The following SESTD1 variants were observed in gnomAD, a reference collection of about 807,000 sequenced individuals.
The protein encoded by SESTD1 is SEC14 domain and spectrin repeat-containing protein 1.
A neutral mutation model predicts 101.7 loss-of-function variants in SESTD1; 43 were observed. The ratio of observed to expected loss-of-function variants is 0.42; its 90% CI spans 0.33 to 0.55. SESTD1 has a LOEUF of 0.55. SESTD1 is among the 20% of genes least tolerant of loss of function. SESTD1 has a pLI of 0.07. For missense variants in SESTD1, 647 were observed against 815.1 expected (o/e 0.79, Z 2.51); for synonymous variants, 283 against 286.8 (o/e 0.99, Z 0.13).
intron 1 of SESTD1, among the ~76,000 whole-genome samples, chr2:179,263,559 CGT>C (rs1559168194): frequency 6.6e-6 from 1 of 152,058 alleles, no homozygotes; most frequent in Non-Finnish European, 1.5e-5. Flanking sequence ...ACAAGCAAAA[CGT>C]GAAGTAAGAG....
At chr2:179,221,510 G>A (rs1172347570) in intron 1 of SESTD1, among the ~76,000 whole-genome samples, 1 of 151,960 alleles carries the variant, frequency 6.6e-6, no homozygotes, top group African/African-American at 2.4e-5. Context: ...CTACTCGGGA[G>A]GCTGAGGCAG....
chr2:179,225,479 CAT>C (rs1461062307), intron 1 of SESTD1, among the ~76,000 whole-genome samples: 2 of 151,960 alleles, frequency 1.3e-5, no homozygotes, highest in African/African-American at 2.4e-5. Flanking sequence ...TTTTAAATGA[CAT>C]ATACTTTAAT....
chr2:179,141,893 C>T (rs920313844), intron 9 of SESTD1, among the ~76,000 whole-genome samples: 1 of 152,166 alleles, frequency 6.6e-6, no homozygotes, highest in African/African-American at 2.4e-5. Flanking sequence ...GAAAAAGCCA[C>T]ATACAATTAA....
chr2:179,202,618 G>T (rs1446518553), intron 1 of SESTD1, among the ~76,000 whole-genome samples: 1 of 134,608 alleles, frequency 7.4e-6, no homozygotes. Flanking sequence ...ACCTAAATGG[G>T]TTTCCAATAA....
intron 1 of SESTD1, among the ~76,000 whole-genome samples, chr2:179,242,535 AGAG>A (rs2047169980): frequency 6.6e-6 from 1 of 152,220 alleles, no homozygotes; most frequent in Non-Finnish European, 1.5e-5. Flanking sequence ...GAACAAAGCC[AGAG>A]GTATTACATT....
At chr2:179,121,744 A>G in intron 13 of SESTD1, 26 bp downstream of exon 13, 1 of 1,532,676 alleles carries the variant, frequency 6.5e-7, no homozygotes, top group Non-Finnish European at 8.7e-7. Context: ...TATTTTAGTA[A>G]AAAGTAATTA....
rs2044461638 is a variant in SESTD1 at position 179,109,563 on chromosome 2, AAT to A, written c.*334_*335del. On this transcript the variant is annotated 3_prime_UTR_variant, in exon 18 of 18. Transcript: ENST00000428443. ...AAGGGCAACTTTTTTTTTTCTTTTT[AAT>A]AGAGAGAATTCCTACTCTTATTAGC... The A allele has an allele frequency of 2.5e-6, 1 of 396,152 alleles. No individual in the cohort carries two copies. Among genetic ancestry groups the A allele is most frequent in the Non-Finnish European group, 4.5e-6 (1 of 224,694 alleles). The allele number at this position is 396,152 out of a possible 1,614,324, so 24.5% of individuals were successfully genotyped here. A position where few individuals can be genotyped will look rare whatever the true frequency, so the allele number is the denominator to read the frequency against.
At chr2:179,128,361 T>C (rs1194599296) in intron 10 of SESTD1, among the ~76,000 whole-genome samples, 1 of 152,074 alleles carries the variant, frequency 6.6e-6, no homozygotes, top group African/African-American at 2.4e-5. Context: ...CTCTCTGGGA[T>C]GTGGAGAGCA....
chr2:179,206,202 G>A (rs1439761931), intron 1 of SESTD1, among the ~76,000 whole-genome samples: 3 of 135,308 alleles, frequency 2.2e-5, no homozygotes, highest in African/African-American at 2.9e-5. Flanking sequence ...ATCTGGAGAC[G>A]CATATTGTTA....
intron 5 of SESTD1, among the ~76,000 whole-genome samples, chr2:179,171,440 A>G (rs1438035656): frequency 1.3e-5 from 2 of 152,180 alleles, no homozygotes; most frequent in Non-Finnish European, 2.9e-5. Flanking sequence ...TCTGACTGTA[A>G]GCATTCCAAG....
At chr2:179,198,625 C>A (rs562242494) in intron 1 of SESTD1, among the ~76,000 whole-genome samples, 2 of 151,752 alleles carry the variant, frequency 1.3e-5, no homozygotes, top group African/African-American at 4.8e-5. Flanking sequence ...ACAGTGCAAT[C>A]AAACTAGAAC....
At chr2:179,249,298 G>T (rs893560613) in intron 1 of SESTD1, among the ~76,000 whole-genome samples, 5 of 149,580 alleles carry the variant, frequency 3.3e-5, no homozygotes, top group Admixed American at 1.3e-4. Context: ...AAAATTCCTA[G>T]AACTAGTGAG....
At chr2:179,197,499 C>T (rs538342923) in intron 1 of SESTD1, among the ~76,000 whole-genome samples, 5 of 151,886 alleles carry the variant, frequency 3.3e-5, no homozygotes, top group Non-Finnish European at 5.9e-5. Flanking sequence ...CCCCAAGACA[C>T]GTAATTGTCA....
chr2:179,219,787 G>C (rs1157542517), intron 1 of SESTD1, among the ~76,000 whole-genome samples: 3 of 152,128 alleles, frequency 2.0e-5, no homozygotes, highest in Non-Finnish European at 4.4e-5. Flanking sequence ...CAGTTGTAGA[G>C]GAAACAACAA....
chr2:179,119,516 C>T (rs1309844873), intron 13 of SESTD1, among the ~76,000 whole-genome samples: 1 of 152,120 alleles, frequency 6.6e-6, no homozygotes, highest in Non-Finnish European at 1.5e-5. Flanking sequence ...GGAGGAGGAG[C>T]CTGGTGGGAT....
chr2:179,201,268 A>G lies in SESTD1; in HGVS notation c.-25-9402T>C, dbSNP rs1269503653. On this transcript the variant is annotated intron_variant, in intron 1 of 17. Transcript: ENST00000428443. ...GAATGGCAATCATTAAAAAGTCAGG[A>G]AACAACAGGTGCTGGAGAGGATGTG... 1.5e-5 allele frequency among the ~76,000 whole-genome samples: 2 copies of G among 131,122 alleles called. 1 individual carries two copies. Among genetic ancestry groups the G allele is most frequent in the African/African-American group, 6.4e-5 (2 of 31,392 alleles). 86.0% of individuals were successfully genotyped at this position (131,122 alleles called of 152,430 possible). A position where few individuals can be genotyped will look rare whatever the true frequency, so the allele number is the denominator to read the frequency against.
chr2:179,245,494 C>T (rs1176986883), intron 1 of SESTD1, among the ~76,000 whole-genome samples: 2 of 122,802 alleles, frequency 1.6e-5, no homozygotes, highest in South Asian at 2.7e-4. Context: ...TTAGCCTGGG[C>T]GACAGAGTGA....
intron 9 of SESTD1, 68 bp downstream of exon 9, chr2:179,143,524 T>C (rs1288711918): frequency 2.2e-6 from 3 of 1,392,342 alleles, no homozygotes; most frequent in African/African-American, 2.9e-5. Context: ...TAAGACTTAA[T>C]AGTCAGTCAC....
At chr2:179,209,804 A>G in intron 1 of SESTD1, among the ~76,000 whole-genome samples, 1 of 134,192 alleles carries the variant, frequency 7.5e-6, no homozygotes, top group Non-Finnish European at 1.6e-5. Flanking sequence ...ACCTCAAAGA[A>G]CTAGAGAAAC....
Sources: allele counts gnomAD v4.1 joint callset (sites outside exome capture counted in the v4.1 genomes callset), GRCh38; gene constraint gnomAD v4.1.1; transcripts MANE v1.5; gene names NCBI Gene and HGNC (gene_info 2026-07-23, HGNC 2026-07-21).